The following VPS41 variants were observed in gnomAD, a reference collection of about 807,000 sequenced individuals.
The protein encoded by VPS41 is vacuolar protein sorting-associated protein 41 homolog.
Under a neutral mutation model 130.9 loss-of-function variants are expected in VPS41, and 85 were observed. That is an observed-to-expected ratio of 0.65 (90% CI 0.55 to 0.78). The LOEUF is 0.78. Among genes scored for constraint, VPS41 ranks in the 30% least tolerant of loss-of-function variants. The probability of loss-of-function intolerance (pLI) is 0.00; values close to 1 mark genes in which losing one functional copy is unlikely to be tolerated. For missense variants in VPS41, 874 were observed against 1,018.7 expected (o/e 0.86, Z 1.93); for synonymous variants, 335 against 332.9 (o/e 1.01, Z -0.07).
intron 4 of VPS41, among the ~76,000 whole-genome samples, chr7:38,855,878 A>G (rs1785970906): frequency 6.6e-6 from 1 of 152,210 alleles, no homozygotes; most frequent in Non-Finnish European, 1.5e-5. Flanking sequence ...TAAGACTCTG[A>G]TCTTATATTA....
At chr7:38,794,284 T>C (rs1342389717) in intron 9 of VPS41, among the ~76,000 whole-genome samples, 1 of 152,148 alleles carries the variant, frequency 6.6e-6, no homozygotes, top group Admixed American at 6.6e-5. Context: ...ACAGTTTCCT[T>C]CCTGTTACCC....
intron 14 of VPS41, among the ~76,000 whole-genome samples, chr7:38,768,749 C>A (rs907164737): frequency 8.5e-5 from 13 of 152,292 alleles, no homozygotes; most frequent in Middle Eastern, 3.4e-3. Flanking sequence ...ATCCTTCCAA[C>A]CTTTCTCCTC....
chr7:38,833,401 G>C (rs945777670), intron 4 of VPS41, among the ~76,000 whole-genome samples: 1 of 152,202 alleles, frequency 6.6e-6, no homozygotes, highest in African/African-American at 2.4e-5. Context: ...CGACCTGACA[G>C]TCCTAAATTA....
chr7:38,852,329 G>A (rs1157415418), intron 4 of VPS41, among the ~76,000 whole-genome samples: 2 of 152,176 alleles, frequency 1.3e-5, no homozygotes, highest in Admixed American at 1.3e-4. Flanking sequence ...ATTATCATAT[G>A]CTTATAAAAC....
At chr7:38,832,253 A>G (rs147713984) in intron 4 of VPS41, among the ~76,000 whole-genome samples, 218 of 149,842 alleles carry the variant, frequency 1.5e-3, no homozygotes, top group African/African-American at 5.0e-3. Context: ...ATTTTTTTGC[A>G]TGATGGTTAT....
chr7:38,802,633 G>C (rs184088459), intron 7 of VPS41, among the ~76,000 whole-genome samples: 142 of 152,244 alleles, frequency 9.3e-4, no homozygotes, highest in African/African-American at 3.2e-3. Flanking sequence ...CTTTGCTTTG[G>C]TGATTTAAGA....
intron 4 of VPS41, among the ~76,000 whole-genome samples, chr7:38,856,703 T>C (rs568189654): frequency 4.0e-4 from 61 of 152,198 alleles, no homozygotes; most frequent in African/African-American, 1.4e-3. Context: ...GTACTGACAC[T>C]ATGAGGGGCC....
At chr7:38,790,711 A>G (rs1387944167) in intron 9 of VPS41, among the ~76,000 whole-genome samples, 3 of 152,234 alleles carry the variant, frequency 2.0e-5, no homozygotes, top group Non-Finnish European at 4.4e-5. Context: ...CATCATTTAT[A>G]TAAGCATCAG....
At chr7:38,745,515 C>A in intron 23 of VPS41, 44 bp downstream of exon 23, 1 of 1,478,742 alleles carries the variant, frequency 6.8e-7, no homozygotes, top group Non-Finnish European at 9.5e-7. Context: ...GTTGTCATCC[C>A]ATTTCTTAGT....
chr7:38,892,364 T>C (rs6964985), intron 2 of VPS41, among the ~76,000 whole-genome samples: 141,893 of 152,214 alleles, frequency 0.93, 66,288 homozygotes, highest in East Asian at 1. Flanking sequence ...ATCTGTAAAC[T>C]GGAAGTGATC....
chr7:38,830,325 G>C lies in VPS41; in HGVS notation c.250C>G (p.Pro84Ala), dbSNP rs1785361033. Reference sequence around the variant, plus strand: ...AAGCTAATCTGATTTATCTTCACAGGACTCTAAAAAGAAAAAGACAAAAAG... The same window carrying C: ...AAGCTAATCTGATTTATCTTCACAGCACTCTAAAAAGAAAAAGACAAAAAG... ...GNITQKFDVS[P>A]VKINQISLDE... The change falls in exon 5 of 29, where the codon CCT becomes GCT. Residue 84 changes from proline to alanine, a missense_variant. By Grantham distance (27) the Pro-to-Ala change is conservative (BLOSUM62 -1). Coordinates refer to ENST00000310301, the MANE Select transcript of VPS41 (RefSeq NM_014396.4). 2.5e-6 allele frequency: 4 copies of C among 1,604,310 alleles called. No homozygotes were observed. The highest frequency in any genetic ancestry group is 1.3e-5 in the African/African-American group (1 of 74,732).
At chr7:38,848,868 T>G (rs925246803) in intron 4 of VPS41, among the ~76,000 whole-genome samples, 10 of 152,126 alleles carry the variant, frequency 6.6e-5, no homozygotes, top group African/African-American at 2.4e-4. Flanking sequence ...ACATCCAATC[T>G]GGGATAGTAG....
At chr7:38,898,180 T>A (rs1320182615) in intron 1 of VPS41, 51 bp from the exon 2 acceptor site, 3 of 1,530,220 alleles carry the variant, frequency 2.0e-6, no homozygotes, top group Admixed American at 1.7e-5. Context: ...AAAAGAATAA[T>A]CATTTGCAAG....
At chr7:38,839,173 C>A (rs747379544) in intron 4 of VPS41, among the ~76,000 whole-genome samples, 2 of 152,176 alleles carry the variant, frequency 1.3e-5, no homozygotes, top group African/African-American at 4.8e-5. Flanking sequence ...TTAGCAAGCA[C>A]GCCACACTTA....
At chr7:38,850,226 T>G (rs980328417) in intron 4 of VPS41, among the ~76,000 whole-genome samples, 3 of 152,218 alleles carry the variant, frequency 2.0e-5, no homozygotes, top group Non-Finnish European at 2.9e-5. Context: ...GCCAAGTTGA[T>G]GGTTATAAAA....
At position 38,776,587 on chromosome 7, in the gene VPS41, T is replaced by A. The variant is rs553102953; in HGVS notation, c.882+92A>T. 8 of 682,370 alleles carry A rather than the reference T, an allele frequency of 1.2e-5. No homozygotes were observed. In the African/African-American group the frequency reaches 1.4e-4, roughly 12 times the overall value. 42.3% of individuals were successfully genotyped at this position (682,370 alleles called of 1,614,324 possible). ...ATAGGTCAGAAAGTTCTGCTCAGAT[T>A]ATAGCGTATGCTACTGATGAACAAC... On this transcript the variant is annotated intron_variant, in intron 11 of 28. Coordinates refer to ENST00000310301, the MANE Select transcript of VPS41 (RefSeq NM_014396.4).
At chr7:38,771,555 A>G (rs560995676) in intron 13 of VPS41, among the ~76,000 whole-genome samples, 11 of 152,318 alleles carry the variant, frequency 7.2e-5, no homozygotes, top group Admixed American at 1.3e-4. Context: ...ATGGAATCAC[A>G]TTTCAGACAC....
chr7:38,901,394 G>A (rs1028852823), intron 1 of VPS41, among the ~76,000 whole-genome samples: 2 of 151,432 alleles, frequency 1.3e-5, no homozygotes, highest in Admixed American at 6.6e-5. Context: ...CCAGAAGCAC[G>A]GCACCAGCAT....
At chr7:38,850,615 T>G (rs1206656306) in intron 4 of VPS41, among the ~76,000 whole-genome samples, 2 of 152,180 alleles carry the variant, frequency 1.3e-5, no homozygotes, top group Non-Finnish European at 2.9e-5. Flanking sequence ...ATAGGAAGAC[T>G]GGTAAGTATT....
Sources: gnomAD v4.1 joint callset for allele counts (sites outside exome capture counted in the v4.1 genomes callset) on GRCh38, gnomAD v4.1.1 for gene constraint, MANE v1.5 for transcripts, NCBI Gene and HGNC (gene_info 2026-07-23, HGNC 2026-07-21) for gene names.